VPS35L: variants seen among roughly 807,000 people sequenced by gnomAD.
The protein encoded by VPS35L is VPS35 endosomal protein sorting factor like, also known as VPS35 endosomal protein-sorting factor-like.
A neutral mutation model predicts 133.0 loss-of-function variants in VPS35L; 83 were observed. The ratio of observed to expected loss-of-function variants is 0.62; its 90% CI spans 0.52 to 0.75. The LOEUF (loss-of-function observed/expected upper bound fraction) is 0.75, where lower values mean the gene tolerates loss of function less well. Among genes scored for constraint, VPS35L ranks in the 30% least tolerant of loss-of-function variants. The pLI, the probability that VPS35L is intolerant of heterozygous loss-of-function variation, is 0.00. For missense variants in VPS35L, 1,083 were observed against 1,206.8 expected, an observed-to-expected ratio of 0.90 and a Z score of 1.52; for synonymous variants, 423 against 449.9, an observed-to-expected ratio of 0.94 and a Z score of 0.76.
intron 1 of VPS35L, among the ~76,000 whole-genome samples, chr16:19,562,265 G>A (rs999698476): frequency 2.6e-5 from 4 of 152,120 alleles, no homozygotes; most frequent in Non-Finnish European, 5.9e-5. Flanking sequence ...GGGGGTAGAA[G>A]AAGAATTCGA....
intron 19 of VPS35L, among the ~76,000 whole-genome samples, chr16:19,636,311 T>C: frequency 6.6e-6 from 1 of 152,174 alleles, no homozygotes; most frequent in Non-Finnish European, 1.5e-5. Flanking sequence ...TTTTGTAAAA[T>C]CTAGGTGGTG....
rs144341840 is a variant in VPS35L, at chr16:19,601,644, A to G, written c.725-20A>G. ...TCCTGAAGAGTGTGATACTAACACC[A>G]TCTGTCCTTTTCCTCCCAGGAAAGC... On this transcript the variant is annotated intron_variant, in intron 8 of 30. Transcript: ENST00000417362. 1,030 of 1,613,106 alleles carry G rather than the reference A, an allele frequency of 6.4e-4. 1 individual carries two copies. The highest frequency in any genetic ancestry group is 4.3e-3 in the South Asian group (394 of 91,044).
intron 26 of VPS35L, among the ~76,000 whole-genome samples, chr16:19,666,952 C>CTTTCTTCCTTTCT (rs1974704907): frequency 8.4e-6 from 1 of 118,590 alleles, no homozygotes; most frequent in African/African-American, 3.5e-5. Context: ...TCCTTTCTTC[C>CTTTCTTCCTTTCT]TTTCTTCCTT....
At chr16:19,626,756 G>A (rs914722094) in intron 15 of VPS35L, among the ~76,000 whole-genome samples, 1 of 152,084 alleles carries the variant, frequency 6.6e-6, no homozygotes, top group Non-Finnish European at 1.5e-5. Flanking sequence ...GTGAGACGCT[G>A]TCTCAAAAAA....
Position 19,700,724 on chromosome 16 carries a change from C to T in VPS35L, c.*248C>T, listed in dbSNP as rs1024418955. The T allele has an allele frequency of 6.5e-6, 3 of 459,474 alleles. No individual in the cohort carries two copies. Among genetic ancestry groups the T allele is most frequent in the East Asian group, 3.2e-5 (1 of 30,776 alleles). 28.5% of individuals were successfully genotyped at this position (459,474 alleles called of 1,614,324 possible). A position where few individuals can be genotyped will look rare whatever the true frequency, so the allele number is the denominator to read the frequency against. On this transcript the variant is annotated 3_prime_UTR_variant, in exon 31 of 31. Coordinates refer to ENST00000417362, the MANE Select transcript of VPS35L (RefSeq NM_020314.7). ...GTGTTGTCTTTGCACAAGTGGCCTT[C>T]GGTCTACTCAGCCCGATCTGATGGG...
At position 19,581,668 on chromosome 16, in the gene VPS35L, T is replaced by TCCCCCCCCCCCC. The variant is rs5816059; in HGVS notation, c.639+20_639+21insCCCCCCCCCCCC. 2.1e-5 allele frequency: 34 copies of TCCCCCCCCCCCC among 1,607,494 alleles called. No individual in the cohort carries two copies. Among genetic ancestry groups the TCCCCCCCCCCCC allele is most frequent in the South Asian group, 5.5e-5 (5 of 90,788 alleles). ...TAGTCATCCAGGTTAGCTCTAGTGA[T>TCCCCCCCCCCCC]CCCCCACCCCCACCCAGAATTTCCT... On this transcript the variant is annotated intron_variant, in intron 7 of 30. Coordinates refer to ENST00000417362, the MANE Select transcript of VPS35L (RefSeq NM_020314.7).
intron 2 of VPS35L, 42 bp from the exon 3 acceptor site, chr16:19,569,382 G>C: frequency 6.3e-7 from 1 of 1,595,376 alleles, no homozygotes. Flanking sequence ...ACTGGAGAGA[G>C]TTGTGGGAGT....
chr16:19,629,635 C>A, intron 17 of VPS35L, 132 bp from the exon 18 acceptor site: 3 of 664,952 alleles, frequency 4.5e-6, no homozygotes, highest in Non-Finnish European at 5.2e-6. Context: ...AAAAGATCAG[C>A]CTTTAAGCCA....
intron 5 of VPS35L, chr16:19,578,737 G>T: frequency 2.8e-6 from 1 of 360,136 alleles, no homozygotes; most frequent in Admixed American, 4.2e-5. Context: ...ACGGATTTTT[G>T]GCATCCTTAT....
At chr16:19,578,776 G>A (rs1465027930) in intron 5 of VPS35L, 1 of 462,806 alleles carries the variant, frequency 2.2e-6, no homozygotes, top group African/African-American at 2.0e-5. Flanking sequence ...GGAATAAACA[G>A]ATGATACAGA....
chr16:19,660,118 A>G (rs1444190038), intron 26 of VPS35L, among the ~76,000 whole-genome samples: 1 of 152,084 alleles, frequency 6.6e-6, no homozygotes, highest in Non-Finnish European at 1.5e-5. Context: ...AGAGGCTAGG[A>G]GTTCGAGACC....
At chr16:19,627,841 T>C in intron 16 of VPS35L, 36 bp downstream of exon 16, 1 of 1,497,424 alleles carries the variant, frequency 6.7e-7, no homozygotes, top group Non-Finnish European at 9.3e-7. Flanking sequence ...AGGACACAAA[T>C]AAGCGGTGTG....
chr16:19,583,315 TG>T (rs2151519508), intron 7 of VPS35L, among the ~76,000 whole-genome samples: 1 of 152,326 alleles, frequency 6.6e-6, no homozygotes, highest in African/African-American at 2.4e-5. Context: ...CTACCTTTCC[TG>T]GATATTTCAT....
intron 27 of VPS35L, among the ~76,000 whole-genome samples, chr16:19,677,724 G>A (rs1004655506): frequency 6.6e-6 from 1 of 152,180 alleles, no homozygotes; most frequent in Non-Finnish European, 1.5e-5. Context: ...ACAGCTTCCC[G>A]TCAAGTGGTG....
chr16:19,614,609 C>A (rs897297492), intron 12 of VPS35L, among the ~76,000 whole-genome samples: 6 of 152,212 alleles, frequency 3.9e-5, no homozygotes, highest in Non-Finnish European at 8.8e-5. Context: ...AAGAGTTTCA[C>A]CATGTTGACC....
At chr16:19,619,521 G>A (rs11640726) in intron 14 of VPS35L, among the ~76,000 whole-genome samples, 4,241 of 152,118 alleles carry the variant, frequency 0.028, 80 homozygotes, top group Non-Finnish European at 0.043. Flanking sequence ...ACTGAACGAC[G>A]GAAACATACA....
chr16:19,671,776 C>CA (rs1177275075), intron 27 of VPS35L, among the ~76,000 whole-genome samples: 1 of 151,674 alleles, frequency 6.6e-6, no homozygotes, highest in Non-Finnish European at 1.5e-5. Flanking sequence ...GACTCCATCT[C>CA]AAAAAAAATA....
chr16:19,570,890 T>TATATATATATATATA (rs1971361160), intron 3 of VPS35L, among the ~76,000 whole-genome samples: 4 of 113,724 alleles, frequency 3.5e-5, no homozygotes, highest in Non-Finnish European at 6.9e-5. Flanking sequence ...TATATATATA[T>TATATATATATATATA]TTTTGAGATG....
At chr16:19,601,796 A>T in intron 9 of VPS35L, 73 bp downstream of exon 9, 1 of 1,459,912 alleles carries the variant, frequency 6.8e-7, no homozygotes. Context: ...TTGAGTCAGG[A>T]TTCATTGAAG....
Sources: gnomAD v4.1 joint callset for allele counts (sites outside exome capture counted in the v4.1 genomes callset) on GRCh38, gnomAD v4.1.1 for gene constraint, MANE v1.5 for transcripts, NCBI Gene and HGNC (gene_info 2026-07-23, HGNC 2026-07-21) for gene names.